RP1: variants seen among roughly 807,000 people sequenced by gnomAD.
RP1 encodes the protein oxygen-regulated protein 1.
In RP1, 16 loss-of-function variants were observed where a neutral mutation model predicts 14.8. The observed-to-expected ratio is 1.08, with a 90% CI of 0.73 to 1.65. RP1 has a LOEUF of 1.65. Among genes scored for constraint, RP1 ranks in the 40% most tolerant of loss-of-function variants. The pLI is 0.00. For missense variants in RP1, 2,631 were observed against 2,535.0 expected (o/e 1.04, Z -0.81); for synonymous variants, 876 against 883.6 (o/e 0.99, Z 0.15).
intron 19 of RP1, among the ~76,000 whole-genome samples, chr8:54,744,898 G>A (rs1457796237): frequency 1.3e-5 from 2 of 152,162 alleles, no homozygotes; most frequent in African/African-American, 2.4e-5. Context: ...TTAGGGCCAA[G>A]GCAATTTTTA....
At chr8:54,696,421 A>T in intron 12 of RP1, 1 of 723,154 alleles carries the variant, frequency 1.4e-6, no homozygotes, top group Non-Finnish European at 2.4e-6. Flanking sequence ...AGCAAAGAAA[A>T]AATCCCTTTG....
At position 54,621,212 on chromosome 8, in the gene RP1, C is replaced by G; in HGVS notation, c.246C>G (p.Asn82Lys). 6.2e-7 allele frequency: 1 copy of G among 1,614,176 alleles called. No homozygotes were observed. ...TGCCCCTCCCTTTTGGAGTGAGGAA[C>G]ATCAGCACCCCTCGGGGCAGGCACA... The part of the protein sequence containing the change: ...RKVPLPFGVR[N>K]ISTPRGRHSI... The change falls in exon 2 of 4, where the codon AAC becomes AAG. Residue 82 changes from asparagine (N) to lysine (K), a missense_variant. Transcript: ENST00000220676.
chr8:54,847,458 G>C (rs539154577), intron 25 of RP1, among the ~76,000 whole-genome samples: 2 of 152,342 alleles, frequency 1.3e-5, no homozygotes, highest in East Asian at 3.9e-4. Context: ...TTGCCAGAAT[G>C]ATGGTGATAA....
intron 19 of RP1, among the ~76,000 whole-genome samples, chr8:54,748,169 C>T (rs758779938): frequency 6.6e-6 from 1 of 152,116 alleles, no homozygotes; most frequent in African/African-American, 2.4e-5. Context: ...GTAAGAAATG[C>T]CTTATTTTTT....
chr8:54,584,098 G>T (rs1804859546), intron 1 of RP1, among the ~76,000 whole-genome samples: 1 of 152,100 alleles, frequency 6.6e-6, no homozygotes. Context: ...ATGTTAGGGT[G>T]TCAATTTTAG....
At chr8:54,657,813 T>C (rs1284908314) in intron 6 of RP1, among the ~76,000 whole-genome samples, 1 of 152,238 alleles carries the variant, frequency 6.6e-6, no homozygotes, top group Non-Finnish European at 1.5e-5. Flanking sequence ...GTTGTAATTA[T>C]GGAATTATTT....
At chr8:54,618,416 C>A (rs1238926759) in intron 1 of RP1, among the ~76,000 whole-genome samples, 19 of 152,288 alleles carry the variant, frequency 1.2e-4, no homozygotes, top group Non-Finnish European at 1.5e-5. Context: ...TATTGGCTCA[C>A]ATAGATGTGT....
chr8:54,800,405 C>G (rs529204875), intron 24 of RP1, among the ~76,000 whole-genome samples: 104 of 151,906 alleles, frequency 6.8e-4, no homozygotes, highest in African/African-American at 2.2e-3. Flanking sequence ...GTTTCTGTAT[C>G]TAATTTTGAA....
At position 54,702,112 on chromosome 8, in the gene RP1, G is replaced by C. The variant is rs138456441; in HGVS notation, c.1998+450G>C. On this transcript the variant is annotated intron_variant, in intron 14 of 22. Coordinates refer to the RP1 transcript ENST00000636932. Reference sequence around the variant, plus strand: ...TAAATATAATAGCAATTATTTATGAGGTTTCCCATTTTATTCCAGGCATTT... The same window carrying C: ...TAAATATAATAGCAATTATTTATGACGTTTCCCATTTTATTCCAGGCATTT... 4.3e-4 allele frequency among the ~76,000 whole-genome samples: 65 copies of C among 152,010 alleles called. 1 individual carries two copies. In the East Asian group the frequency reaches 0.012, roughly 28 times the overall value.
chr8:54,857,541 T>G (rs1812233957), intron 27 of RP1, among the ~76,000 whole-genome samples: 1 of 151,800 alleles, frequency 6.6e-6, no homozygotes, highest in Non-Finnish European at 1.5e-5. Context: ...TAATGTAAAT[T>G]TATGAAGTTT....
chr8:54,694,250 C>T (rs545071526), intron 12 of RP1, among the ~76,000 whole-genome samples: 29 of 152,126 alleles, frequency 1.9e-4, no homozygotes, highest in African/African-American at 6.7e-4. Context: ...TTTGCATCAA[C>T]GTTCATCGAG....
At chr8:54,788,443 C>T (rs574832045) in intron 24 of RP1, among the ~76,000 whole-genome samples, 44 of 151,964 alleles carry the variant, frequency 2.9e-4, no homozygotes, top group African/African-American at 7.0e-4. Context: ...TGTCCTCTTC[C>T]TTCTTCATCT....
At chr8:54,640,343 A>C (rs1806430916) in intron 3 of RP1, among the ~76,000 whole-genome samples, 1 of 152,216 alleles carries the variant, frequency 6.6e-6, no homozygotes, top group African/African-American at 2.4e-5. Context: ...TTGTATGCCA[A>C]AATATACCAT....
intron 23 of RP1, among the ~76,000 whole-genome samples, chr8:54,781,902 T>C (rs1810198396): frequency 6.6e-6 from 1 of 152,152 alleles, no homozygotes; most frequent in Admixed American, 6.6e-5. Context: ...TATGAATCAA[T>C]GGTTCCTTGC....
intron 24 of RP1, among the ~76,000 whole-genome samples, chr8:54,812,766 T>C (rs965841203): frequency 7.4e-5 from 8 of 107,582 alleles, no homozygotes; most frequent in African/African-American, 2.7e-4. Context: ...ATCTATCATC[T>C]ATCTATCTAT....
chr8:54,578,833 C>A (rs2129295662), intron 1 of RP1, among the ~76,000 whole-genome samples: 1 of 152,254 alleles, frequency 6.6e-6, no homozygotes, highest in Admixed American at 6.5e-5. Context: ...ATTACTGTAG[C>A]TGAGGAAACA....
chr8:54,787,056 G>A (rs1334068297), intron 24 of RP1, among the ~76,000 whole-genome samples: 2 of 152,126 alleles, frequency 1.3e-5, no homozygotes, highest in Non-Finnish European at 2.9e-5. Context: ...CTTGGTTGTA[G>A]GACTTCATAA....
At position 54,638,227 on chromosome 8, in the gene RP1, T is replaced by C. The variant is rs1186452567; in HGVS notation, c.788-10758T>C. 3.3e-5 allele frequency among the ~76,000 whole-genome samples: 5 copies of C among 152,210 alleles called. No individual in the cohort carries two copies. The East Asian group carries it at 5.8e-4, about 18-fold the overall frequency. ...TTTTGGCAGGTGGATTGCCTGAGCT[T>C]GTGAGTTCGAGACGAGCCTCGGCAA... On this transcript the variant is annotated intron_variant, in intron 3 of 22. Transcript: ENST00000636932.
chr8:54,739,287 G>A (rs1809010248), intron 19 of RP1, among the ~76,000 whole-genome samples: 1 of 152,052 alleles, frequency 6.6e-6, no homozygotes, highest in Admixed American at 6.5e-5. Context: ...GCGTGAAAGC[G>A]ACATCTATTC....
Sources: gnomAD v4.1 joint callset for allele counts (sites outside exome capture counted in the v4.1 genomes callset) on GRCh38, gnomAD v4.1.1 for gene constraint, MANE v1.5 for transcripts, NCBI Gene and HGNC (gene_info 2026-07-23, HGNC 2026-07-21) for gene names.